The following ARHGEF1 variants were observed in gnomAD, a reference collection of about 807,000 sequenced individuals.
ARHGEF1 encodes the protein Rho guanine nucleotide exchange factor 1.
Under a neutral mutation model 119.7 loss-of-function variants are expected in ARHGEF1, and 40 were observed. That is an observed-to-expected ratio of 0.33 (90% CI 0.26 to 0.44). The LOEUF is 0.44. Among genes scored for constraint, ARHGEF1 ranks in the 20% least tolerant of loss-of-function variants. ARHGEF1 has a pLI of 1.00. For synonymous variants in ARHGEF1, 494 were observed against 521.0 expected, an observed-to-expected ratio of 0.95 and a Z score of 0.71; for missense variants, 976 against 1,268.3, an observed-to-expected ratio of 0.77 and a Z score of 3.50.
rs782655474 is a variant in ARHGEF1 at position 41,892,812 on chromosome 19, G to C, written c.577G>C (p.Val193Leu). 3.2e-6 allele frequency: 5 copies of C among 1,583,584 alleles called. No individual in the cohort carries two copies. The African/African-American group carries it at 5.4e-5, about 17-fold the overall frequency. The change falls in exon 7 of 29, where the codon GTG becomes CTG. Residue 193 changes from valine to leucine, a missense_variant. This residue lies in a region of ARHGEF1 where 519 missense variants were observed against 580.9 expected (regional missense o/e 0.89). Transcript: ENST00000354532. The surrounding 1 kb of genome is among the most constrained non-coding windows in gnomAD (Gnocchi z 6.3). ...RASYEARERH[V>L]AERLLMHLEE... ...CAGCTACGAGGCCCGGGAGCGGCACGTGGCGGAGCGGCTGCTCATGCACCT... is the reference window on the plus strand; with the variant it reads ...CAGCTACGAGGCCCGGGAGCGGCACCTGGCGGAGCGGCTGCTCATGCACCT...
chr19:41,897,270 G>C (rs2074520782), intron 13 of ARHGEF1: 2 of 1,281,482 alleles, frequency 1.6e-6, no homozygotes, highest in Non-Finnish European at 2.0e-6. Flanking sequence ...GGTGGGTCAG[G>C]TTCCATCTGG....
rs1330726025 is a variant in ARHGEF1, at chr19:41,904,458, G to C, written c.2161+75G>C. On this transcript the variant is annotated intron_variant, in intron 22 of 28. Transcript: ENST00000354532. This position sits in a 1 kb window ranked among gnomAD's most constrained non-coding sequence, Gnocchi z 8.4. ...AGAGCTGCCTGTGGAGTGGGGAGCA[G>C]AACCCTCTAGAGAGCCAGGGAGCCA... 6.9e-7 allele frequency: 1 copy of C among 1,451,066 alleles called. No individual in the cohort carries two copies. The highest frequency in any genetic ancestry group is 1.4e-5 in the African/African-American group (1 of 70,908). The allele number at this position is 1,451,066 out of a possible 1,614,324, so 89.9% of individuals were successfully genotyped here. A position where few individuals can be genotyped will look rare whatever the true frequency, so the allele number is the denominator to read the frequency against.
At chr19:41,920,996 C>T (rs1296901824), upstream of ARHGEF1, among the ~76,000 whole-genome samples, 5 of 152,224 alleles carry the variant, frequency 3.3e-5, no homozygotes, top group East Asian at 1.9e-4. Flanking sequence ...TCTCAGTCTC[C>T]GCACGATGTC....
Position 41,903,134 on chromosome 19 carries a change from C to A in ARHGEF1, c.1739-173C>A, listed in dbSNP as rs567718739. 2.6e-5 allele frequency among the ~76,000 whole-genome samples: 4 copies of A among 151,826 alleles called. No homozygotes were observed. Among genetic ancestry groups the A allele is most frequent in the Non-Finnish European group, 5.9e-5 (4 of 67,982 alleles). ...ACGGGGTCTCGCCATGTTGCCCAGGCTGGCTTTGAACTCCTGGTCTCAAGC... is the reference window on the plus strand; with the variant it reads ...ACGGGGTCTCGCCATGTTGCCCAGGATGGCTTTGAACTCCTGGTCTCAAGC... On this transcript the variant is annotated intron_variant, in intron 18 of 28. Transcript: ENST00000354532. The surrounding 1 kb of genome is among the most constrained non-coding windows in gnomAD (Gnocchi z 4.2).
rs187456088 is a variant in ARHGEF1, at chr19:41,898,657, C to T, written c.1267+70C>T. 57 of 1,480,044 alleles carry T rather than the reference C, an allele frequency of 3.9e-5. No homozygotes were observed. In the Admixed American group the frequency reaches 1.1e-3, roughly 28 times the overall value. 91.7% of individuals were successfully genotyped at this position (1,480,044 alleles called of 1,614,324 possible). A position where few individuals can be genotyped will look rare whatever the true frequency, so the allele number is the denominator to read the frequency against. ...CAGCTCTGGCAAAGGCAAAGACAGG[C>T]GCAGAGAGATGTTCATCTTGGTGTC... is the stretch of plus-strand genomic sequence containing the variant. On this transcript the variant is annotated intron_variant, in intron 14 of 28. Transcript: ENST00000354532.
intron 4 of ARHGEF1, among the ~76,000 whole-genome samples, chr19:41,891,430 C>CCCA (rs2074374675): frequency 6.6e-6 from 1 of 152,106 alleles, no homozygotes; most frequent in Non-Finnish European, 1.5e-5. Flanking sequence ...ATCACAGGTG[C>CCCA]CCACCACCAC....
rs145833533 is a variant in ARHGEF1, at chr19:41,894,644, T to C, written c.860T>C (p.Leu287Pro). The C allele has an allele frequency of 1.3e-4, 216 of 1,613,910 alleles. No individual in the cohort carries two copies. Among genetic ancestry groups the C allele is most frequent in the Admixed American group, 1.8e-4 (11 of 59,994 alleles). Residue 287 changes from leucine (L) to proline (P), a missense_variant, in exon 11 of 29, where the codon CTC (leucine) becomes CCC (proline). This residue lies in a region of ARHGEF1 where 519 missense variants were observed against 580.9 expected (regional missense o/e 0.89). Transcript: ENST00000354532. ...GTTTCAGTTCCAGATTTTCGACACC[T>C]CAAAGCAGAGGTTGATGGTAATGTA... ...GEPQVPDFRHLKAEVDAEKPG... is the reference protein window; with the variant it reads ...GEPQVPDFRHPKAEVDAEKPG...
upstream of ARHGEF1, among the ~76,000 whole-genome samples, chr19:41,921,096 G>A (rs912893271): frequency 1.3e-5 from 2 of 152,144 alleles, no homozygotes; most frequent in Non-Finnish European, 2.9e-5. This position sits in a 1 kb window ranked among gnomAD's most constrained non-coding sequence, Gnocchi z 4.4. Flanking sequence ...GCAGTGCCAC[G>A]CACCCCGCCT....
chr19:41,888,812 C>T lies in ARHGEF1; in HGVS notation c.172C>T (p.His58Tyr), dbSNP rs1555845733. Residue 58 changes from histidine (H) to tyrosine (Y), a missense_variant, in exon 4 of 29, where the codon CAC becomes TAC. Transcript: ENST00000354532. This position sits in a 1 kb window ranked among gnomAD's most constrained non-coding sequence, Gnocchi z 5.1. ...GGAGCAGGTGAAGCGGCGCCCAGCCCACCTCATGGCCCTCCTGCAGCACGT... is the reference window on the plus strand; with the variant it reads ...GGAGCAGGTGAAGCGGCGCCCAGCCTACCTCATGGCCCTCCTGCAGCACGT... ...SLEQVKRRPA[H>Y]LMALLQHVAL... The T allele has an allele frequency of 6.2e-7, 1 of 1,614,220 alleles. No individual in the cohort carries two copies. Among genetic ancestry groups the T allele is most frequent in the Non-Finnish European group, 8.5e-7 (1 of 1,180,030 alleles).
chr19:41,894,901 C>G (rs533626803), intron 11 of ARHGEF1, among the ~76,000 whole-genome samples: 24 of 104,032 alleles, frequency 2.3e-4, no homozygotes, highest in Non-Finnish European at 2.9e-4. Context: ...TGGGCCTGGA[C>G]CCCTGGCTCT....
At chr19:41,900,203 G>T (rs1248829612) in intron 14 of ARHGEF1, among the ~76,000 whole-genome samples, 2 of 152,074 alleles carry the variant, frequency 1.3e-5, no homozygotes, top group Admixed American at 1.3e-4. Context: ...GCATAGTGGC[G>T]CATGCCTGTA....
chr19:41,905,547 A>G lies in ARHGEF1; in HGVS notation c.2337-213A>G, dbSNP rs1406793431. ...TGCATGCATGTGTGTGTGTGTGCGC[A>G]TGTGCCGACCCCACCACTGCCCCGT... On this transcript the variant is annotated intron_variant, in intron 24 of 28. Transcript: ENST00000354532. This position sits in a 1 kb window ranked among gnomAD's most constrained non-coding sequence, Gnocchi z 6.4. 18 of 620,030 alleles carry G rather than the reference A, an allele frequency of 2.9e-5. No individual in the cohort carries two copies. The highest frequency in any genetic ancestry group is 1.7e-4 in the Admixed American group (6 of 34,340). The allele number at this position is 620,030 out of a possible 1,614,324, so 38.4% of individuals were successfully genotyped here. A position where few individuals can be genotyped will look rare whatever the true frequency, so the allele number is the denominator to read the frequency against.
intron 1 of ARHGEF1, among the ~76,000 whole-genome samples, chr19:41,927,551 G>C (rs555571115): frequency 6.6e-6 from 1 of 152,062 alleles, no homozygotes; most frequent in South Asian, 2.1e-4. Context: ...CCCAACCTCA[G>C]ATATCTAGAT....
chr19:41,907,125 G>T lies in ARHGEF1; in HGVS notation c.*38G>T. 6.5e-7 allele frequency: 1 copy of T among 1,529,820 alleles called. No homozygotes were observed. The highest frequency in any genetic ancestry group is 8.7e-7 in the Non-Finnish European group (1 of 1,144,166). The allele number at this position is 1,529,820 out of a possible 1,614,324, so 94.8% of individuals were successfully genotyped here. The stretch of plus-strand genomic sequence containing the variant: ...CCCAGGCCTTTTGCAAGAAGGAGAG[G>T]AATGGGGGAGAGGACGTGAGGGACC... On this transcript the variant is annotated 3_prime_UTR_variant, in exon 29 of 29. Transcript: ENST00000354532.
At chr19:41,928,933 C>T in exon 2 of ARHGEF1, 1 of 456,322 alleles carries the variant, frequency 2.2e-6, no homozygotes, top group South Asian at 1.5e-5. Flanking sequence ...AACACGGACC[C>T]GCACACACGC....
In ARHGEF1 at chr19:41,886,461, T is replaced by C. The variant is rs1387680816; in HGVS notation, c.-19-1603T>C. 2.0e-5 allele frequency among the ~76,000 whole-genome samples: 3 copies of C among 152,028 alleles called. No individual in the cohort carries two copies. In the East Asian group the frequency reaches 5.8e-4, roughly 29 times the overall value. ...CCTCCACGTCCGTGGTCATGTTTCATAGTGAGACAGGGTCTCACTGTGTTC... is the reference window on the plus strand; with the variant it reads ...CCTCCACGTCCGTGGTCATGTTTCACAGTGAGACAGGGTCTCACTGTGTTC... On this transcript the variant is annotated intron_variant, in intron 1 of 28. Transcript: ENST00000354532.
At chr19:41,926,430 GT>G in intron 1 of ARHGEF1, among the ~76,000 whole-genome samples, 1 of 152,248 alleles carries the variant, frequency 6.6e-6, no homozygotes, top group African/African-American at 2.4e-5. Flanking sequence ...GATGTGACAG[GT>G]GCATTGATAG....
Position 41,906,773 on chromosome 19 carries a change from C to T in ARHGEF1, c.2726C>T (p.Pro909Leu), listed in dbSNP as rs868960615. 6.2e-7 allele frequency: 1 copy of T among 1,611,392 alleles called. No individual in the cohort carries two copies. Among genetic ancestry groups the T allele is most frequent in the South Asian group, 1.1e-5 (1 of 90,830 alleles). The change falls in exon 28 of 29, where the codon CCT (proline) becomes CTT (leucine). Residue 909 changes from proline to leucine, a missense_variant. Physicochemically the swap from Pro to Leu is moderately conservative, Grantham distance 98. Transcript: ENST00000354532. This position sits in a 1 kb window ranked among gnomAD's most constrained non-coding sequence, Gnocchi z 4.5. ...SQLGGNSVPQ[P>L]GCT Reference sequence around the variant, plus strand: ...CTTGGGGGGAACTCTGTCCCCCAGCCTGGCTGCACTTGAGGTTCCCGCCCA... The same window carrying T: ...CTTGGGGGGAACTCTGTCCCCCAGCTTGGCTGCACTTGAGGTTCCCGCCCA...
Position 41,888,367 on chromosome 19 carries a change from C to A in ARHGEF1, c.111+89C>A. ...CCACCTGCAGATGCTGTCTTCTTGGCCTTTTCCCACGGTCTGTCTCATCCT... is the reference window on the plus strand; with the variant it reads ...CCACCTGCAGATGCTGTCTTCTTGGACTTTTCCCACGGTCTGTCTCATCCT... On this transcript the variant is annotated intron_variant, in intron 3 of 28. Transcript: ENST00000354532. The surrounding 1 kb of genome is among the most constrained non-coding windows in gnomAD (Gnocchi z 5.1). The A allele has an allele frequency of 2.3e-6, 3 of 1,324,564 alleles. No individual in the cohort carries two copies. Among genetic ancestry groups the A allele is most frequent in the Non-Finnish European group, 3.2e-6 (3 of 939,494 alleles). The allele number at this position is 1,324,564 out of a possible 1,614,324, so 82.1% of individuals were successfully genotyped here. A position where few individuals can be genotyped will look rare whatever the true frequency, so the allele number is the denominator to read the frequency against.
Sources: gnomAD v4.1 joint callset for allele counts (sites outside exome capture counted in the v4.1 genomes callset) on GRCh38, gnomAD v4.1.1 for gene constraint, gnomAD v4.1.1 regional missense constraint, Gnocchi (gnomAD v3.1) non-coding constraint, MANE v1.5 for transcripts, NCBI Gene and HGNC (gene_info 2026-07-23, HGNC 2026-07-21) for gene names.